ARHGEF10L: variants seen among roughly 807,000 people sequenced by gnomAD.
ARHGEF10L encodes rho guanine nucleotide exchange factor 10-like protein.
In ARHGEF10L, 69 loss-of-function variants were observed where a neutral mutation model predicts 141.2. That is an observed-to-expected ratio of 0.49 (90% confidence interval 0.40 to 0.60). The LOEUF (loss-of-function observed/expected upper bound fraction) is 0.60, where lower values mean the gene tolerates loss of function less well. ARHGEF10L is among the 20% of genes least tolerant of loss of function. ARHGEF10L has a pLI of 0.00. For synonymous variants in ARHGEF10L, 711 were observed against 718.5 expected (o/e 0.99, Z 0.17); for missense variants, 1,482 against 1,734.3 (o/e 0.85, Z 2.58).
chr1:17,626,090 C>T, intron 14 of ARHGEF10L, 42 bp downstream of exon 14: 3 of 1,592,548 alleles, frequency 1.9e-6, no homozygotes, highest in South Asian at 1.1e-5. Context: ...ACAGGGTTTG[C>T]CTGTGGGCTG....
intron 15 of ARHGEF10L, among the ~76,000 whole-genome samples, chr1:17,628,710 C>T (rs560795861): frequency 5.3e-5 from 8 of 152,348 alleles, no homozygotes; most frequent in African/African-American, 1.7e-4. Context: ...GAACTAAGGC[C>T]TATGGCTGGC....
intron 26 of ARHGEF10L, among the ~76,000 whole-genome samples, chr1:17,669,737 T>C (rs1414248864): frequency 6.6e-6 from 1 of 152,260 alleles, no homozygotes; most frequent in Admixed American, 6.5e-5. Flanking sequence ...GTTTCCACAG[T>C]GCCTGGATCA....
chr1:17,556,899 A>G (rs1362894561), intron 1 of ARHGEF10L, among the ~76,000 whole-genome samples: 2 of 152,216 alleles, frequency 1.3e-5, no homozygotes, highest in Non-Finnish European at 2.9e-5. Context: ...GCACTTGCCT[A>G]TAGTCCCAGC....
intron 9 of ARHGEF10L, among the ~76,000 whole-genome samples, chr1:17,617,816 G>T (rs1370154212): frequency 1.3e-5 from 2 of 152,200 alleles, no homozygotes; most frequent in Non-Finnish European, 2.9e-5. Context: ...AGAGCCCCAT[G>T]TAGCAGACGT....
Position 17,603,485 on chromosome 1 carries a change from C to A in ARHGEF10L, c.350-23C>A. The A allele has an allele frequency of 6.2e-7, 1 of 1,606,656 alleles. No homozygotes were observed. Among genetic ancestry groups the A allele is most frequent in the Non-Finnish European group, 8.5e-7 (1 of 1,175,536 alleles). Reference sequence around the variant, plus strand: ...GGCTGCCACAGCCCACGGTGGTGCTCTCTCTCCCCACTTCCCTCCCAGTTG... The same window carrying A: ...GGCTGCCACAGCCCACGGTGGTGCTATCTCTCCCCACTTCCCTCCCAGTTG... On this transcript the variant is annotated intron_variant, in intron 5 of 28. Coordinates refer to ENST00000361221, the MANE Select transcript of ARHGEF10L (RefSeq NM_018125.4). The surrounding 1 kb of genome is among the most constrained non-coding windows in gnomAD (Gnocchi z 4.8).
In ARHGEF10L at chr1:17,672,527, C is replaced by T. The variant is rs116607586; in HGVS notation, c.3009+7932C>T. Among the ~76,000 whole-genome samples the T allele has an allele frequency of 1.8e-3, 271 of 152,272 alleles. 2 individuals carry two copies. The highest frequency in any genetic ancestry group is 6.8e-3 in the Middle Eastern group (2 of 294). On this transcript the variant is annotated intron_variant, in intron 26 of 28. Transcript: ENST00000361221. Reference sequence around the variant, plus strand: ...GCCAGAGCATGCAGGGTCTCGCGTCCTATCACTGCATGGAGTCGGCTCTGC... The same window carrying T: ...GCCAGAGCATGCAGGGTCTCGCGTCTTATCACTGCATGGAGTCGGCTCTGC...
At chr1:17,598,750 G>A (rs1017259600) in intron 4 of ARHGEF10L, among the ~76,000 whole-genome samples, 1 of 151,922 alleles carries the variant, frequency 6.6e-6, no homozygotes. Context: ...TGAGTGTGCC[G>A]AGGGCTACTG....
chr1:17,635,891 CTCTG>C (rs2060970321), intron 18 of ARHGEF10L, among the ~76,000 whole-genome samples: 2 of 152,206 alleles, frequency 1.3e-5, no homozygotes, highest in African/African-American at 2.4e-5. Flanking sequence ...TCACTTCCCC[CTCTG>C]TCTGCTGTCT....
chr1:17,595,766 A>G (rs1046661616), intron 4 of ARHGEF10L, among the ~76,000 whole-genome samples: 2 of 152,108 alleles, frequency 1.3e-5, no homozygotes, highest in Admixed American at 1.3e-4. Flanking sequence ...ACGAGGCCAT[A>G]CCACGTGCCA....
At chr1:17,667,929 G>A (rs2063087138) in intron 26 of ARHGEF10L, among the ~76,000 whole-genome samples, 1 of 152,222 alleles carries the variant, frequency 6.6e-6, no homozygotes, top group African/African-American at 2.4e-5. Context: ...CCCCCTTGGA[G>A]GTGTGCAGTT....
intron 27 of ARHGEF10L, among the ~76,000 whole-genome samples, chr1:17,692,086 G>C (rs752162531): frequency 1.6e-4 from 24 of 152,208 alleles, no homozygotes; most frequent in Non-Finnish European, 3.1e-4. Context: ...GCCAACTCCA[G>C]GAGGGCTGGG....
chr1:17,542,280 T>G (rs1047660309), intron 1 of ARHGEF10L, among the ~76,000 whole-genome samples: 4 of 151,750 alleles, frequency 2.6e-5, no homozygotes, highest in Non-Finnish European at 4.4e-5. Context: ...AGAACATGTC[T>G]CTACAAAAAA....
At chr1:17,632,636 C>T (rs144102662) in intron 16 of ARHGEF10L, among the ~76,000 whole-genome samples, 170 bp downstream of exon 16, 35 of 152,306 alleles carry the variant, frequency 2.3e-4, no homozygotes, top group African/African-American at 7.5e-4. Context: ...TGGTCCCCAA[C>T]GCTGGGAAGT....
chr1:17,580,540 C>A lies in ARHGEF10L; in HGVS notation c.-43-13C>A. 2 of 1,612,346 alleles carry A rather than the reference C, an allele frequency of 1.2e-6. No homozygotes were observed. Among genetic ancestry groups the A allele is most frequent in the Non-Finnish European group, 1.7e-6 (2 of 1,178,408 alleles). ...GACTCCAGCTAATGCGATTTCTGGT[C>A]TTCTTTCCACAGGTGTGTAGCTGGG... On this transcript the variant is annotated splice_polypyrimidine_tract_variant and intron_variant, in intron 1 of 28. Transcript: ENST00000361221.
At chr1:17,527,849 TTTTC>T in the ARHGEF10L span, among the ~76,000 whole-genome samples, 3 of 133,652 alleles carry the variant, frequency 2.2e-5, no homozygotes, top group African/African-American at 8.3e-5. Context: ...TTCCTCTTGC[TTTTC>T]TTTCTTTCTT....
At chr1:17,687,877 C>T (rs941719425) in intron 27 of ARHGEF10L, 130 bp downstream of exon 27, 7 of 1,031,732 alleles carry the variant, frequency 6.8e-6, no homozygotes, top group African/African-American at 1.7e-5. Flanking sequence ...TAATTTGGGG[C>T]ACTCCCCAGG....
At chr1:17,630,076 T>A (rs1397709822) in intron 15 of ARHGEF10L, among the ~76,000 whole-genome samples, 1 of 152,140 alleles carries the variant, frequency 6.6e-6, no homozygotes, top group Admixed American at 6.5e-5. Context: ...CCATGTGAGA[T>A]GTTAGGAAGA....
intron 27 of ARHGEF10L, among the ~76,000 whole-genome samples, chr1:17,689,467 C>A: frequency 1.4e-5 from 1 of 72,026 alleles, no homozygotes; most frequent in Non-Finnish European, 2.7e-5. Context: ...CTCTCCCTCC[C>A]TCCCTGCCTC....
At chr1:17,668,761 A>G (rs2063137151) in intron 26 of ARHGEF10L, among the ~76,000 whole-genome samples, 1 of 152,204 alleles carries the variant, frequency 6.6e-6, no homozygotes, top group South Asian at 2.1e-4. Flanking sequence ...TGCCTTCAGT[A>G]CACACAACCA....
Sources: gnomAD v4.1 joint callset for allele counts (sites outside exome capture counted in the v4.1 genomes callset) on GRCh38, gnomAD v4.1.1 for gene constraint, Gnocchi (gnomAD v3.1) non-coding constraint, MANE v1.5 for transcripts, NCBI Gene and HGNC (gene_info 2026-07-23, HGNC 2026-07-21) for gene names.